NRG3: variants seen among roughly 807,000 people sequenced by gnomAD.
NRG3 encodes pro-neuregulin-3, membrane-bound isoform.
A neutral mutation model predicts 66.9 loss-of-function variants in NRG3; 31 were observed. That is an observed-to-expected ratio of 0.46 (90% CI 0.35 to 0.63). The LOEUF (loss-of-function observed/expected upper bound fraction) is 0.63, where lower values mean the gene tolerates loss of function less well. NRG3 is among the 20% of genes least tolerant of loss of function. The probability of loss-of-function intolerance (pLI) is 0.00; values close to 1 mark genes in which losing one functional copy is unlikely to be tolerated. For synonymous variants in NRG3, 393 were observed against 359.4 expected, an observed-to-expected ratio of 1.09 and a Z score of -1.06; for missense variants, 910 against 878.9, an observed-to-expected ratio of 1.04 and a Z score of -0.45.
chr10:81,913,320 T>C (rs1374432841), intron 1 of NRG3, among the ~76,000 whole-genome samples: 5 of 152,172 alleles, frequency 3.3e-5, no homozygotes, highest in African/African-American at 4.8e-5. Context: ...AGCGTCCTCA[T>C]GCAGAGCCAA....
intron 1 of NRG3, among the ~76,000 whole-genome samples, chr10:82,272,993 T>C (rs2078676275): frequency 6.6e-6 from 1 of 152,118 alleles, no homozygotes; most frequent in South Asian, 2.1e-4. Flanking sequence ...ATTCTAACAA[T>C]TTAACAATTG....
intron 2 of NRG3, among the ~76,000 whole-genome samples, chr10:82,732,546 T>G (rs1473110887): frequency 2.6e-5 from 4 of 152,226 alleles, no homozygotes; most frequent in Non-Finnish European, 4.4e-5. Context: ...TGTGTGGTTT[T>G]GGGGTAATAT....
At chr10:82,001,269 A>G (rs1218200780) in intron 1 of NRG3, among the ~76,000 whole-genome samples, 2 of 152,008 alleles carry the variant, frequency 1.3e-5, no homozygotes, top group African/African-American at 4.8e-5. Flanking sequence ...TTGGGAGGCC[A>G]AGATGGGCAG....
intron 1 of NRG3, among the ~76,000 whole-genome samples, chr10:82,280,226 C>T (rs2079058534): frequency 6.6e-6 from 1 of 152,088 alleles, no homozygotes; most frequent in African/African-American, 2.4e-5. Context: ...GAAGGTGGAG[C>T]CATGTATAAC....
intron 1 of NRG3, among the ~76,000 whole-genome samples, chr10:82,056,670 C>G (rs1216701131): frequency 2.0e-5 from 3 of 152,130 alleles, no homozygotes; most frequent in African/African-American, 7.2e-5. Context: ...TCTTTTTTAA[C>G]AGTCTAGTTG....
At chr10:82,191,343 A>G (rs1589263058) in intron 1 of NRG3, among the ~76,000 whole-genome samples, 1 of 152,176 alleles carries the variant, frequency 6.6e-6, no homozygotes. Context: ...AAGCAAGCCT[A>G]TGACTCTCAA....
At chr10:81,939,366 A>G (rs575945133) in intron 1 of NRG3, among the ~76,000 whole-genome samples, 12 of 152,070 alleles carry the variant, frequency 7.9e-5, no homozygotes, top group Non-Finnish European at 1.8e-4. Context: ...AGTGTTTGCC[A>G]GAATTCTCCA....
At chr10:82,877,237 T>C (rs1040636603) in intron 4 of NRG3, among the ~76,000 whole-genome samples, 8 of 152,068 alleles carry the variant, frequency 5.3e-5, no homozygotes, top group Non-Finnish European at 1.0e-4. Flanking sequence ...CTGTCTGCTT[T>C]GTGGGCTCAT....
intron 1 of NRG3, chr10:81,877,990 A>G (rs757407493): frequency 3.3e-5 from 50 of 1,537,624 alleles, no homozygotes; most frequent in Admixed American, 9.8e-5. Context: ...CAACCCTTGT[A>G]TGCGTTGGGA....
intron 2 of NRG3, among the ~76,000 whole-genome samples, chr10:82,722,960 T>C (rs1169194537): frequency 6.6e-6 from 1 of 151,974 alleles, no homozygotes; most frequent in African/African-American, 2.4e-5. Flanking sequence ...CCCGTCCCAC[T>C]ACTAGTATAT....
intron 1 of NRG3, among the ~76,000 whole-genome samples, chr10:81,952,091 TG>T (rs1849414450): frequency 7.1e-6 from 1 of 139,918 alleles, no homozygotes; most frequent in Non-Finnish European, 1.6e-5. Context: ...GGGCCTGTTG[TG>T]GGGTGGGGGA....
At chr10:82,761,680 T>C (rs1352198697) in intron 3 of NRG3, among the ~76,000 whole-genome samples, 6 of 151,732 alleles carry the variant, frequency 4.0e-5, no homozygotes, top group Non-Finnish European at 7.4e-5. Flanking sequence ...TAATAAAATA[T>C]ATAAAATTAA....
chr10:81,896,883 A>T (rs906080106), intron 1 of NRG3, among the ~76,000 whole-genome samples: 11 of 152,136 alleles, frequency 7.2e-5, no homozygotes, highest in African/African-American at 2.7e-4. Flanking sequence ...TGCAATAATG[A>T]TGGAGATTTT....
chr10:82,321,888 T>C (rs1022883472), intron 1 of NRG3, among the ~76,000 whole-genome samples: 10 of 152,226 alleles, frequency 6.6e-5, no homozygotes, highest in African/African-American at 2.4e-4. Flanking sequence ...GGGCAGTCAC[T>C]AGAATTTGTT....
chr10:82,884,599 C>T (rs775450767), intron 4 of NRG3, among the ~76,000 whole-genome samples: 26 of 152,122 alleles, frequency 1.7e-4, no homozygotes, highest in Admixed American at 7.9e-4. Flanking sequence ...GTAAAATTGA[C>T]GCTATACTAT....
intron 2 of NRG3, among the ~76,000 whole-genome samples, chr10:82,471,945 A>G (rs1172042439): frequency 6.6e-6 from 1 of 152,160 alleles, no homozygotes; most frequent in Non-Finnish European, 1.5e-5. Context: ...CCAAATTATA[A>G]TTGATTCATT....
chr10:81,902,069 C>A lies in NRG3; in HGVS notation c.823+25906C>A, dbSNP rs548254550. Among the ~76,000 whole-genome samples, 812 of 152,242 alleles carry A rather than the reference C, an allele frequency of 5.3e-3. 3 individuals carry two copies. The highest frequency in any genetic ancestry group is 9.5e-3 in the Non-Finnish European group (647 of 68,026). On this transcript the variant is annotated intron_variant, in intron 1 of 8. Coordinates refer to ENST00000372141, the MANE Select transcript of NRG3 (RefSeq NM_001010848.4). Reference sequence around the variant, plus strand: ...ATTGTAGTTACTGGGTAGAAGAGGTCTTTCATGAAATTTGCAAGGGGATCT... The same window carrying A: ...ATTGTAGTTACTGGGTAGAAGAGGTATTTCATGAAATTTGCAAGGGGATCT...
At chr10:82,733,884 G>A (rs1208201468) in intron 2 of NRG3, among the ~76,000 whole-genome samples, 2 of 152,308 alleles carry the variant, frequency 1.3e-5, no homozygotes, top group African/African-American at 4.8e-5. Context: ...GAAAGACACT[G>A]GCAGATGAGA....
intron 3 of NRG3, among the ~76,000 whole-genome samples, chr10:82,832,999 A>T (rs2062604377): frequency 6.6e-6 from 1 of 152,016 alleles, no homozygotes; most frequent in Non-Finnish European, 1.5e-5. Flanking sequence ...TGGCCTTCTT[A>T]TCAAAGCTGT....
Sources: allele counts gnomAD v4.1 joint callset (sites outside exome capture counted in the v4.1 genomes callset), GRCh38; gene constraint gnomAD v4.1.1; transcripts MANE v1.5; gene names NCBI Gene and HGNC (gene_info 2026-07-23, HGNC 2026-07-21).